Variants in KLF8 observed in about 807,000 individuals in gnomAD.
KLF8 encodes the protein KLF transcription factor 8.
In KLF8, 10 loss-of-function variants were observed where a neutral mutation model predicts 18.2. The ratio of observed to expected loss-of-function variants is 0.55; its 90% CI spans 0.34 to 0.93. The LOEUF (loss-of-function observed/expected upper bound fraction) is 0.93, where lower values mean the gene tolerates loss of function less well. Among genes scored for constraint, KLF8 ranks in the 40% least tolerant of loss-of-function variants. The pLI, the probability that KLF8 is intolerant of heterozygous loss-of-function variation, is 0.02. For missense variants in KLF8, 264 were observed against 277.9 expected, an observed-to-expected ratio of 0.95 and a Z score of 0.36; for synonymous variants, 109 against 97.3, an observed-to-expected ratio of 1.12 and a Z score of -0.71.
chrX:56,047,513 G>C, the KLF8 span, among the ~76,000 whole-genome samples: 7 of 107,952 alleles, frequency 6.5e-5, no homozygotes, highest in Non-Finnish European at 7.6e-5. Flanking sequence ...AAAACATGTG[G>C]TGTTTGGTTT....
Position 56,284,761 on chromosome X carries a change from C to A in KLF8, c.*267C>A. 1 of 270,916 alleles carries A rather than the reference C, an allele frequency of 3.7e-6. No homozygotes were observed. The highest frequency in any genetic ancestry group is 6.5e-6 in the Non-Finnish European group (1 of 153,832). The allele number at this position is 270,916 out of a possible 1,213,427, so 22.3% of individuals were successfully genotyped here. The stretch of plus-strand genomic sequence containing the variant: ...TGGCACCCATGGCTGCCTTCCCATC[C>A]CCCCCTGCTCTGAAATAGGACATTT... On this transcript the variant is annotated 3_prime_UTR_variant, in exon 6 of 6. Coordinates refer to ENST00000468660, the MANE Select transcript of KLF8 (RefSeq NM_007250.5).
chrX:55,947,330 C>G, the KLF8 span, among the ~76,000 whole-genome samples: 1 of 109,559 alleles, frequency 9.1e-6, no homozygotes, highest in African/African-American at 3.3e-5. Context: ...AGTTCATGTC[C>G]TTTGTAGGGA....
chrX:56,076,451 C>T, the KLF8 span, among the ~76,000 whole-genome samples: 3 of 110,543 alleles, frequency 2.7e-5, no homozygotes, highest in Non-Finnish European at 5.7e-5. Flanking sequence ...TCATCCATGT[C>T]CCTACAAAGG....
the KLF8 span, among the ~76,000 whole-genome samples, chrX:56,104,268 G>A: frequency 1.1e-4 from 12 of 111,535 alleles, no homozygotes; most frequent in Admixed American, 1.0e-3. Flanking sequence ...CTATTGATTG[G>A]AATAGTTTCA....
chrX:55,956,237 T>A, the KLF8 span, among the ~76,000 whole-genome samples: 14 of 110,682 alleles, frequency 1.3e-4, no homozygotes, highest in East Asian at 3.9e-3. Flanking sequence ...CTATATGCTA[T>A]TTATTCTATT....
At chrX:56,226,693 A>G in the KLF8 span, among the ~76,000 whole-genome samples, 4 of 112,238 alleles carry the variant, frequency 3.6e-5, no homozygotes, top group Non-Finnish European at 7.5e-5. Flanking sequence ...TGTTTATATC[A>G]TGTAAACAGG....
At chrX:55,960,265 C>T in the KLF8 span, among the ~76,000 whole-genome samples, 5 of 112,126 alleles carry the variant, frequency 4.5e-5, no homozygotes, top group Non-Finnish European at 3.8e-5. Context: ...GCCTGTAATC[C>T]CAGCATTTTG....
At chrX:56,258,500 C>T (rs1280968534) in intron 2 of KLF8, among the ~76,000 whole-genome samples, 1 of 112,234 alleles carries the variant, frequency 8.9e-6, no homozygotes, top group African/African-American at 3.2e-5. Flanking sequence ...TGGTCTTGAT[C>T]TCCTGACCTC....
the KLF8 span, among the ~76,000 whole-genome samples, chrX:55,924,188 G>T: frequency 1.8e-5 from 2 of 111,173 alleles, no homozygotes; most frequent in Non-Finnish European, 3.8e-5. Flanking sequence ...TCCTGCCTCA[G>T]CCTCCCGAGT....
At chrX:56,023,182 A>G in the KLF8 span, among the ~76,000 whole-genome samples, 1 of 111,981 alleles carries the variant, frequency 8.9e-6, no homozygotes, top group South Asian at 3.7e-4. Flanking sequence ...TATAAACTAT[A>G]GTAATAGAAA....
chrX:56,081,274 G>A, the KLF8 span, among the ~76,000 whole-genome samples: 9 of 111,428 alleles, frequency 8.1e-5, no homozygotes, highest in South Asian at 1.5e-3. Flanking sequence ...CATCTTTGTG[G>A]TTTTATCTAC....
the KLF8 span, among the ~76,000 whole-genome samples, chrX:55,978,179 A>T: frequency 9.0e-6 from 1 of 110,583 alleles, no homozygotes; most frequent in Non-Finnish European, 1.9e-5. Context: ...ATTTGTCCTC[A>T]ATCCCATATA....
the KLF8 span, among the ~76,000 whole-genome samples, chrX:56,154,182 T>C: frequency 9.1e-6 from 1 of 109,989 alleles, no homozygotes; most frequent in South Asian, 3.8e-4. Context: ...CTTCAAACTA[T>C]ACTACAAGGC....
chrX:56,180,454 C>G, the KLF8 span, among the ~76,000 whole-genome samples: 27 of 110,992 alleles, frequency 2.4e-4, no homozygotes, highest in Non-Finnish European at 4.5e-4. Context: ...TTTTGTGTCT[C>G]TATCTCCTTC....
the KLF8 span, among the ~76,000 whole-genome samples, chrX:55,940,627 C>T: frequency 2.7e-5 from 3 of 111,559 alleles, no homozygotes; most frequent in African/African-American, 9.8e-5. Context: ...ATCTAGAAAA[C>T]CCCATTGTCT....
the KLF8 span, among the ~76,000 whole-genome samples, chrX:56,077,484 C>T: frequency 9.0e-6 from 1 of 111,681 alleles, no homozygotes; most frequent in Non-Finnish European, 1.9e-5. Context: ...GGGCTCTATT[C>T]TGTTCCATTG....
At chrX:55,956,751 C>T in the KLF8 span, among the ~76,000 whole-genome samples, 1 of 111,804 alleles carries the variant, frequency 8.9e-6, no homozygotes, top group Admixed American at 9.5e-5. Flanking sequence ...TTGTATTTCA[C>T]ATTTTGTTGC....
chrX:56,149,032 G>A, the KLF8 span, among the ~76,000 whole-genome samples: 8 of 112,217 alleles, frequency 7.1e-5, no homozygotes, highest in Admixed American at 1.9e-4. Flanking sequence ...TATAATGGAA[G>A]GCTGTGGGTA....
At chrX:56,210,108 T>A in the KLF8 span, among the ~76,000 whole-genome samples, 2 of 112,071 alleles carry the variant, frequency 1.8e-5, no homozygotes, top group Admixed American at 1.9e-4. Context: ...TAATACTCTA[T>A]GTTTTTCTGT....
Sources: gnomAD v4.1 joint callset for allele counts (sites outside exome capture counted in the v4.1 genomes callset) on GRCh38, gnomAD v4.1.1 for gene constraint, MANE v1.5 for transcripts, NCBI Gene and HGNC (gene_info 2026-07-23, HGNC 2026-07-21) for gene names.